The following RAB11FIP4 variants were observed in gnomAD, a reference collection of about 807,000 sequenced individuals.
RAB11FIP4 encodes rab11 family-interacting protein 4.
A neutral mutation model predicts 74.3 loss-of-function variants in RAB11FIP4; 23 were observed. That is an observed-to-expected ratio of 0.31 (90% CI 0.22 to 0.44). The LOEUF is 0.44. RAB11FIP4 is among the 20% of genes least tolerant of loss of function. The probability of loss-of-function intolerance (pLI) is 1.00; values close to 1 mark genes in which losing one functional copy is unlikely to be tolerated. For missense variants in RAB11FIP4, 630 were observed against 863.9 expected (o/e 0.73, Z 3.39); for synonymous variants, 360 against 359.9 (o/e 1.00, Z 0.00).
intron 3 of RAB11FIP4, among the ~76,000 whole-genome samples, chr17:31,505,034 A>G (rs1418699498): frequency 2.6e-5 from 4 of 152,098 alleles, no homozygotes; most frequent in Non-Finnish European, 4.4e-5. Flanking sequence ...ATTTGAATTG[A>G]GTTAAATACT....
At chr17:31,401,898 A>G (rs1262572854) in intron 1 of RAB11FIP4, among the ~76,000 whole-genome samples, 1 of 152,162 alleles carries the variant, frequency 6.6e-6, no homozygotes, top group Non-Finnish European at 1.5e-5. Context: ...TCTTGTTCAT[A>G]TAACGAGCTG....
chr17:31,505,504 T>TATAATTAAA (rs2072309901), intron 3 of RAB11FIP4, among the ~76,000 whole-genome samples: 2 of 64,824 alleles, frequency 3.1e-5, no homozygotes, highest in African/African-American at 1.2e-4. Flanking sequence ...AATTATTATA[T>TATAATTAAA]TATATATAAT....
At chr17:31,507,547 T>C (rs1339642992) in intron 3 of RAB11FIP4, among the ~76,000 whole-genome samples, 1 of 152,184 alleles carries the variant, frequency 6.6e-6, no homozygotes. Context: ...GAATTATTTG[T>C]TTTTTTGCTA....
chr17:31,423,167 C>T (rs1490068868), intron 1 of RAB11FIP4, among the ~76,000 whole-genome samples: 1 of 152,206 alleles, frequency 6.6e-6, no homozygotes, highest in African/African-American at 2.4e-5. Flanking sequence ...GATCCGCCCG[C>T]CTCTGCCTCC....
Position 31,431,795 on chromosome 17 carries a change from C to G in RAB11FIP4, c.160-18C>G, listed in dbSNP as rs767714544. On this transcript the variant is annotated intron_variant, in intron 1 of 14. Transcript: ENST00000621161. The stretch of plus-strand genomic sequence containing the variant: ...GATCCTTGGGTGTCTCACACCTGTC[C>G]CTGCTTCATTCCCACAGGTGGAAAA... The G allele has an allele frequency of 6.3e-7, 1 of 1,592,628 alleles. No individual in the cohort carries two copies. Among genetic ancestry groups the G allele is most frequent in the Non-Finnish European group, 8.6e-7 (1 of 1,160,782 alleles).
intron 3 of RAB11FIP4, among the ~76,000 whole-genome samples, chr17:31,510,888 G>C (rs2072440152): frequency 6.6e-6 from 1 of 152,138 alleles, no homozygotes; most frequent in Admixed American, 6.5e-5. Flanking sequence ...GGGTGTGGTG[G>C]TGTGTACCTG....
At chr17:31,508,818 C>T (rs1235266435) in intron 3 of RAB11FIP4, among the ~76,000 whole-genome samples, 1 of 152,130 alleles carries the variant, frequency 6.6e-6, no homozygotes, top group East Asian at 1.9e-4. Flanking sequence ...CAGCACACAC[C>T]CCGCTTCCTC....
intron 3 of RAB11FIP4, among the ~76,000 whole-genome samples, chr17:31,500,337 C>T (rs1308479745): frequency 2.6e-5 from 4 of 152,238 alleles, no homozygotes; most frequent in Non-Finnish European, 5.9e-5. Context: ...AGGGTGCCCA[C>T]GTGTCCCGGG....
intron 3 of RAB11FIP4, among the ~76,000 whole-genome samples, chr17:31,472,697 A>G (rs1475574260): frequency 6.6e-6 from 1 of 152,120 alleles, no homozygotes; most frequent in African/African-American, 2.4e-5. Context: ...CTCTAGGAAG[A>G]GGGCCTCATG....
At chr17:31,459,777 C>T (rs1397023699) in intron 3 of RAB11FIP4, among the ~76,000 whole-genome samples, 6 of 151,414 alleles carry the variant, frequency 4.0e-5, no homozygotes, top group Non-Finnish European at 7.4e-5. Context: ...CTTTATCCCC[C>T]ACCAGTCCCT....
rs954698229 is a variant in RAB11FIP4, at chr17:31,512,772, C to T, written c.337-4879C>T. Among the ~76,000 whole-genome samples the T allele has an allele frequency of 3.3e-5, 5 of 149,940 alleles. No homozygotes were observed. The highest frequency in any genetic ancestry group is 2.9e-5 in the Non-Finnish European group (2 of 67,814). On this transcript the variant is annotated intron_variant, in intron 3 of 14. Transcript: ENST00000621161. The surrounding 1 kb of genome is among the most constrained non-coding windows in gnomAD (Gnocchi z 4.1). ...AGCCTTTCTGTGCAAACCCTGGGAA[C>T]ACCAGGCCAAGCTCCAGGCCTGGAC...
Position 31,534,097 on chromosome 17 carries a change from T to C in RAB11FIP4, c.*2365T>C, listed in dbSNP as rs2072918847. 1 of 152,222 alleles carries C rather than the reference T, an allele frequency of 6.6e-6. No individual in the cohort carries two copies. The highest frequency in any genetic ancestry group is 2.4e-5 in the African/African-American group (1 of 41,448). 9.4% of individuals were successfully genotyped at this position (152,222 alleles called of 1,614,324 possible). ...TCCCAGCTCCACAGCCCCTGGCAGA[T>C]CCCAGACCCCTTGGTGGCAGGTCCC... On this transcript the variant is annotated 3_prime_UTR_variant, in exon 15 of 15. Coordinates refer to ENST00000621161, the MANE Select transcript of RAB11FIP4 (RefSeq NM_032932.6).
At chr17:31,410,505 G>A (rs1251365460) in intron 1 of RAB11FIP4, among the ~76,000 whole-genome samples, 2 of 152,006 alleles carry the variant, frequency 1.3e-5, no homozygotes, top group Non-Finnish European at 2.9e-5. Context: ...CTTGAGGCTA[G>A]GAGTTGGAGA....
chr17:31,416,932 A>G (rs2071153635), intron 1 of RAB11FIP4, among the ~76,000 whole-genome samples: 1 of 152,020 alleles, frequency 6.6e-6, no homozygotes, highest in African/African-American at 2.4e-5. Context: ...AGGATAAAGC[A>G]CATACAGGCC....
chr17:31,415,855 G>A (rs1253112949), intron 1 of RAB11FIP4, among the ~76,000 whole-genome samples: 4 of 152,078 alleles, frequency 2.6e-5, no homozygotes, highest in Non-Finnish European at 5.9e-5. Flanking sequence ...TGGCCCCTCT[G>A]CCTGTCCCTT....
At chr17:31,441,087 G>C (rs754196103) in intron 3 of RAB11FIP4, among the ~76,000 whole-genome samples, 7 of 150,816 alleles carry the variant, frequency 4.6e-5, no homozygotes, top group Non-Finnish European at 1.0e-4. Flanking sequence ...TGCAGTGGCT[G>C]GATCTCTGCT....
intron 1 of RAB11FIP4, among the ~76,000 whole-genome samples, chr17:31,416,573 A>C (rs1003318573): frequency 6.6e-6 from 1 of 152,116 alleles, no homozygotes; most frequent in African/African-American, 2.4e-5. Context: ...ACAGGGTCCT[A>C]TTGTGTGCCC....
At chr17:31,468,409 C>T (rs893635878) in intron 3 of RAB11FIP4, among the ~76,000 whole-genome samples, 49 of 152,142 alleles carry the variant, frequency 3.2e-4, no homozygotes, top group Admixed American at 2.9e-3. Context: ...AATGTCCTTG[C>T]GCAGGTTATT....
chr17:31,528,527 G>A lies in RAB11FIP4; in HGVS notation c.1478G>A (p.Arg493Gln), dbSNP rs754676209. The A allele has an allele frequency of 1.2e-5, 20 of 1,613,738 alleles. No homozygotes were observed. Among genetic ancestry groups the A allele is most frequent in the Middle Eastern group, 1.6e-4 (1 of 6,084 alleles). The change falls in exon 12 of 15, where the codon CGG becomes CAG. Residue 493 changes from arginine (R) to glutamine (Q), a missense_variant. Arg to Gln is a conservative substitution (Grantham distance 43). Transcript: ENST00000621161. ...RQNRLEFQKE[R>Q]EATQELIEDL... Reference sequence around the variant, plus strand: ...AACCGCCTTGAGTTCCAGAAGGAGCGGGAGGCGACGCAGGAGGTAGGTCCC... The same window carrying A: ...AACCGCCTTGAGTTCCAGAAGGAGCAGGAGGCGACGCAGGAGGTAGGTCCC...
Sources: gnomAD v4.1 joint callset for allele counts (sites outside exome capture counted in the v4.1 genomes callset) on GRCh38, gnomAD v4.1.1 for gene constraint, Gnocchi (gnomAD v3.1) non-coding constraint, MANE v1.5 for transcripts, NCBI Gene and HGNC (gene_info 2026-07-23, HGNC 2026-07-21) for gene names.